RAD51C: variants seen among roughly 807,000 people sequenced by gnomAD.
The protein encoded by RAD51C is RAD51 paralog C.
In RAD51C, 42 loss-of-function variants were observed where a neutral mutation model predicts 45.0. The ratio of observed to expected loss-of-function variants is 0.93; its 90% confidence interval spans 0.73 to 1.21. The LOEUF (loss-of-function observed/expected upper bound fraction) is 1.21, where lower values mean the gene tolerates loss of function less well. RAD51C is among the 50% of genes most tolerant of loss of function. RAD51C has a pLI of 0.00. For synonymous variants in RAD51C, 172 were observed against 159.8 expected (o/e 1.08, Z -0.58); for missense variants, 474 against 452.2 (o/e 1.05, Z -0.44).
chr17:58,711,690 G>A (rs557925862), intron 5 of RAD51C, among the ~76,000 whole-genome samples: 12 of 151,696 alleles, frequency 7.9e-5, no homozygotes, highest in South Asian at 6.2e-4. Context: ...GTCAGAAGGC[G>A]GAGGTTGGGC....
rs587782286 is a variant in RAD51C at position 58,703,274 on chromosome 17, CAG to C, written c.653_654del (p.Glu218ValfsTer33). On this transcript the variant is annotated frameshift_variant, in exon 4 of 9. Transcript: ENST00000337432. LOFTEE classifies it high-confidence loss of function. The stretch of plus-strand genomic sequence containing the variant: ...TATTATTTTCGCTGTCGTGACTACA[CAG>C]AGTTACTGGCACAAGTTTATCTTCT... The C allele has an allele frequency of 1.2e-6, 2 of 1,609,928 alleles. No individual in the cohort carries two copies. Among genetic ancestry groups the C allele is most frequent in the Non-Finnish European group, 8.5e-7 (1 of 1,176,438 alleles).
chr17:58,696,552 G>T, intron 2 of RAD51C, 141 bp from the exon 3 acceptor site: 1 of 951,828 alleles, frequency 1.1e-6, no homozygotes, highest in Non-Finnish European at 1.7e-6. Context: ...GTCATGAAGA[G>T]TTAGACATTT....
intron 6 of RAD51C, among the ~76,000 whole-genome samples, chr17:58,722,390 A>G (rs1369438584): frequency 6.6e-6 from 1 of 152,228 alleles, no homozygotes; most frequent in African/African-American, 2.4e-5. Context: ...TCAGTACAGT[A>G]GCCCTTGCTA....
chr17:58,720,421 A>T (rs1365804211), intron 5 of RAD51C, among the ~76,000 whole-genome samples: 1 of 145,812 alleles, frequency 6.9e-6, no homozygotes, highest in African/African-American at 2.5e-5. Flanking sequence ...GTCTCAAAAA[A>T]AAAAATAAAA....
At chr17:58,707,057 T>C (rs527788439) in intron 4 of RAD51C, among the ~76,000 whole-genome samples, 1 of 152,290 alleles carries the variant, frequency 6.6e-6, no homozygotes, top group South Asian at 2.1e-4. Context: ...ACCAAGCCAC[T>C]TCCTCTACAC....
rs2049581599 is a variant in RAD51C, at chr17:58,734,644, G to C, written c.*422G>C. On this transcript the variant is annotated 3_prime_UTR_variant, in exon 9 of 9. Coordinates refer to ENST00000337432, the MANE Select transcript of RAD51C (RefSeq NM_058216.3). ...GATTCTCGCTCTGTAGTCCAGGCTG[G>C]AGTGCAATGGCGCAATCTCTGCTCA... 1 of 192,572 alleles carries C rather than the reference G, an allele frequency of 5.2e-6. No individual in the cohort carries two copies. The highest frequency in any genetic ancestry group is 2.5e-5 in the African/African-American group (1 of 39,360). 11.9% of individuals were successfully genotyped at this position (192,572 alleles called of 1,614,324 possible). A position where few individuals can be genotyped will look rare whatever the true frequency, so the allele number is the denominator to read the frequency against.
chr17:58,717,482 T>C (rs1480118636), intron 5 of RAD51C, among the ~76,000 whole-genome samples: 1 of 152,002 alleles, frequency 6.6e-6, no homozygotes, highest in Non-Finnish European at 1.5e-5. Flanking sequence ...CTCATGCCTG[T>C]AATCCTAGCA....
chr17:58,717,660 C>T (rs1450033037), intron 5 of RAD51C, among the ~76,000 whole-genome samples: 2 of 152,130 alleles, frequency 1.3e-5, no homozygotes, highest in Non-Finnish European at 2.9e-5. Context: ...CGCTTGAACT[C>T]AGGAGGCGGA....
intron 3 of RAD51C, among the ~76,000 whole-genome samples, chr17:58,701,865 A>G (rs1201471023): frequency 6.6e-6 from 1 of 152,136 alleles, no homozygotes; most frequent in Non-Finnish European, 1.5e-5. Context: ...GCCCAGCCTC[A>G]AACTGTTTGT....
intron 5 of RAD51C, among the ~76,000 whole-genome samples, chr17:58,718,985 G>C (rs2048827225): frequency 6.6e-6 from 1 of 152,146 alleles, no homozygotes; most frequent in African/African-American, 2.4e-5. Flanking sequence ...CCCTTTGGGA[G>C]GCCGAGGTGG....
intron 8 of RAD51C, among the ~76,000 whole-genome samples, chr17:58,733,427 A>G (rs1339323833): frequency 2.0e-5 from 3 of 152,190 alleles, no homozygotes; most frequent in Non-Finnish European, 2.9e-5. Context: ...GGGGAAAAAA[A>G]AGAGAGAGAG....
rs539341386 is a variant in RAD51C, at chr17:58,709,872, T to C, written c.719T>C (p.Ile240Thr). 9.3e-6 allele frequency: 15 copies of C among 1,607,720 alleles called. No individual in the cohort carries two copies. In the Admixed American group the frequency reaches 1.0e-4, roughly 11 times the overall value. The change falls in exon 5 of 9, where the codon ATA becomes ACA. Residue 240 changes from isoleucine to threonine, a missense_variant. By Grantham distance (89) the Ile-to-Thr change is moderately conservative. Coordinates refer to ENST00000337432, the MANE Select transcript of RAD51C (RefSeq NM_058216.3). Reference sequence around the variant, plus strand: ...TTCTGTATTTAGGTTCGACTAGTGATAGTGGATGGTATTGCTTTTCCATTT... The same window carrying C: ...TTCTGTATTTAGGTTCGACTAGTGACAGTGGATGGTATTGCTTTTCCATTT... ...LSEHSKVRLV[I>T]VDGIAFPFRH...
intron 7 of RAD51C, among the ~76,000 whole-genome samples, chr17:58,731,780 C>T (rs1306464036): frequency 6.6e-6 from 1 of 152,008 alleles, no homozygotes; most frequent in Non-Finnish European, 1.5e-5. Flanking sequence ...AGATGGGGGT[C>T]TCACTATGTT....
chr17:58,693,249 C>G (rs755508573), intron 1 of RAD51C: 5 of 173,468 alleles, frequency 2.9e-5, no homozygotes, highest in Non-Finnish European at 6.3e-5. Context: ...ACTAGAGACA[C>G]TAAGAATGAG....
chr17:58,724,277 G>A (rs2049033576), intron 7 of RAD51C, among the ~76,000 whole-genome samples, 177 bp downstream of exon 7: 1 of 152,110 alleles, frequency 6.6e-6, no homozygotes, highest in Non-Finnish European at 1.5e-5. Flanking sequence ...TGTTATTACT[G>A]CATATTTAGC....
At chr17:58,721,782 C>G (rs539024219) in intron 6 of RAD51C, among the ~76,000 whole-genome samples, 5 of 151,958 alleles carry the variant, frequency 3.3e-5, no homozygotes, top group African/African-American at 1.2e-4. Context: ...AATGTATCTG[C>G]CCTTGACTAG....
intron 4 of RAD51C, among the ~76,000 whole-genome samples, chr17:58,705,345 G>T (rs923412605): frequency 6.5e-4 from 85 of 130,984 alleles, no homozygotes; most frequent in Non-Finnish European, 1.1e-3. Context: ...TCTTTTTTTT[G>T]GGGGGGGGGT....
At chr17:58,726,386 C>A (rs182506264) in intron 7 of RAD51C, among the ~76,000 whole-genome samples, 3 of 146,402 alleles carry the variant, frequency 2.0e-5, no homozygotes, top group South Asian at 4.3e-4. Flanking sequence ...TACATATATA[C>A]GTGTATGTAT....
At position 58,714,520 on chromosome 17, in the gene RAD51C, G is replaced by A. The variant is rs192151444; in HGVS notation, c.837+4530G>A. Among the ~76,000 whole-genome samples, 172 of 152,018 alleles carry A rather than the reference G, an allele frequency of 1.1e-3. 1 individual carries two copies. Among genetic ancestry groups the A allele is most frequent in the African/African-American group, 3.9e-3 (163 of 41,490 alleles). ...GTCGCCCAGGTTGGAGTGCCATGGC[G>A]CGATCTTGGCTCACTGCAACCTGTG... On this transcript the variant is annotated intron_variant, in intron 5 of 8. Transcript: ENST00000337432.
Sources: allele counts gnomAD v4.1 joint callset (sites outside exome capture counted in the v4.1 genomes callset), GRCh38; gene constraint gnomAD v4.1.1; transcripts MANE v1.5; gene names NCBI Gene and HGNC (gene_info 2026-07-23, HGNC 2026-07-21).